CLTC: variants seen among roughly 807,000 people sequenced by gnomAD.
CLTC encodes the protein clathrin heavy chain 1.
CLTC carries 16 observed loss-of-function variants against 195.8 expected under a neutral mutation model. The observed-to-expected ratio is 0.08, with a 90% CI of 0.06 to 0.12. CLTC has a LOEUF of 0.12. Among genes scored for constraint, CLTC ranks in the 10% least tolerant of loss-of-function variants. The pLI, the probability that CLTC is intolerant of heterozygous loss-of-function variation, is 1.00. For missense variants in CLTC, 796 were observed against 2,027.0 expected (o/e 0.39, Z 11.66); for synonymous variants, 667 against 689.4 (o/e 0.97, Z 0.51).
intron 16 of CLTC, 32 bp downstream of exon 16, chr17:59,674,875 T>G: frequency 6.3e-7 from 1 of 1,597,124 alleles, no homozygotes; most frequent in Non-Finnish European, 8.5e-7. Flanking sequence ...GATAAGTTAC[T>G]CTTTCTTAAC....
chr17:59,655,111 C>T (rs1467218678), intron 5 of CLTC, among the ~76,000 whole-genome samples: 1 of 152,244 alleles, frequency 6.6e-6, no homozygotes, highest in Non-Finnish European at 1.5e-5. Flanking sequence ...GCCCACCATT[C>T]AGCCTATCTT....
chr17:59,685,864 A>G lies in CLTC; in HGVS notation c.4827+56A>G, dbSNP rs1490814297. On this transcript the variant is annotated intron_variant, in intron 30 of 31. Transcript: ENST00000269122. The surrounding 1 kb of genome is among the most constrained non-coding windows in gnomAD (Gnocchi z 5.0). Reference sequence around the variant, plus strand: ...AGTTTCCTTGCATGTAAAATTCTACATGCACATTAATTTTTTTAAATGCTT... The same window carrying G: ...AGTTTCCTTGCATGTAAAATTCTACGTGCACATTAATTTTTTTAAATGCTT... 54 of 1,269,542 alleles carry G rather than the reference A, an allele frequency of 4.3e-5. No homozygotes were observed. Among genetic ancestry groups the G allele is most frequent in the Non-Finnish European group, 4.3e-5 (39 of 914,208 alleles). 78.6% of individuals were successfully genotyped at this position (1,269,542 alleles called of 1,614,324 possible). A position where few individuals can be genotyped will look rare whatever the true frequency, so the allele number is the denominator to read the frequency against.
At chr17:59,676,456 A>T (rs568758599) in intron 16 of CLTC, among the ~76,000 whole-genome samples, 1 of 152,182 alleles carries the variant, frequency 6.6e-6, no homozygotes, top group Non-Finnish European at 1.5e-5. Context: ...TCCACAAACA[A>T]AATTTTCTGA....
chr17:59,663,802 G>C (rs763646372), intron 8 of CLTC, 40 bp from the exon 9 acceptor site: 4 of 1,588,776 alleles, frequency 2.5e-6, no homozygotes, highest in Admixed American at 3.6e-5. Flanking sequence ...TTCTAAAACA[G>C]TTCATGGATC....
chr17:59,690,622 G>A lies in CLTC; in HGVS notation c.4828-14G>A. 3.1e-6 allele frequency: 5 copies of A among 1,597,504 alleles called. No homozygotes were observed. The highest frequency in any genetic ancestry group is 4.3e-6 in the Non-Finnish European group (5 of 1,167,858). On this transcript the variant is annotated splice_polypyrimidine_tract_variant and intron_variant, in intron 30 of 31. Coordinates refer to ENST00000269122, the MANE Select transcript of CLTC (RefSeq NM_004859.4). Reference sequence around the variant, plus strand: ...CTTTTGGGGTGCTAATTAACATGATGTGTTTTTCTCCAGGTGGATAAATTA... The same window carrying A: ...CTTTTGGGGTGCTAATTAACATGATATGTTTTTCTCCAGGTGGATAAATTA...
intron 14 of CLTC, among the ~76,000 whole-genome samples, chr17:59,672,826 G>GTAGA (rs2032882750): frequency 6.6e-6 from 1 of 152,062 alleles, no homozygotes; most frequent in Non-Finnish European, 1.5e-5. Flanking sequence ...ACTTAGTTCT[G>GTAGA]CTTCCCTAGT....
intron 1 of CLTC, among the ~76,000 whole-genome samples, chr17:59,631,376 A>G (rs1403082056): frequency 6.6e-6 from 1 of 152,216 alleles, no homozygotes; most frequent in African/African-American, 2.4e-5. Flanking sequence ...GGCACACAGT[A>G]GCTGCTCAGG....
intron 1 of CLTC, among the ~76,000 whole-genome samples, chr17:59,630,662 A>G (rs1352611480): frequency 1.3e-5 from 2 of 152,232 alleles, no homozygotes; most frequent in Non-Finnish European, 2.9e-5. Context: ...CATAAATGGA[A>G]TTATACAATA....
Position 59,685,528 on chromosome 17 carries a change from G to T in CLTC, c.4606-59G>T. On this transcript the variant is annotated intron_variant, in intron 29 of 31. Coordinates refer to ENST00000269122, the MANE Select transcript of CLTC (RefSeq NM_004859.4). This position sits in a 1 kb window ranked among gnomAD's most constrained non-coding sequence, Gnocchi z 5.0. The stretch of plus-strand genomic sequence containing the variant: ...TGGAAAGTTTCCATTGTTTTTCTTG[G>T]TTTACTAGTTCAGTATGTGGGGTCT... The T allele has an allele frequency of 1.4e-6, 2 of 1,387,120 alleles. No homozygotes were observed. Among genetic ancestry groups the T allele is most frequent in the South Asian group, 1.3e-5 (1 of 78,082 alleles). The allele number at this position is 1,387,120 out of a possible 1,614,324, so 85.9% of individuals were successfully genotyped here.
intron 30 of CLTC, among the ~76,000 whole-genome samples, chr17:59,686,117 A>C (rs1324902740): frequency 6.6e-6 from 1 of 152,076 alleles, no homozygotes; most frequent in Non-Finnish European, 1.5e-5. Flanking sequence ...AGTTCTTGTG[A>C]CTCAAATATT....
rs1214933728 is a variant in CLTC, at chr17:59,681,767, G to A, written c.3370G>A (p.Ala1124Thr). The change falls in exon 21 of 32, where the codon GCC (alanine) becomes ACC (threonine). Residue 1124 changes from alanine (A) to threonine (T), a missense_variant. Coordinates refer to ENST00000269122, the MANE Select transcript of CLTC (RefSeq NM_004859.4). The surrounding 1 kb of genome is among the most constrained non-coding windows in gnomAD (Gnocchi z 5.0). ...AQLQKGMVKE[A>T]IDSYIKADDP... The stretch of plus-strand genomic sequence containing the variant: ...GTTGCAGAAAGGAATGGTGAAAGAA[G>A]CCATTGATTCTTATATCAAAGCAGA... 1 of 1,614,044 alleles carries A rather than the reference G, an allele frequency of 6.2e-7. No individual in the cohort carries two copies. The highest frequency in any genetic ancestry group is 1.1e-5 in the South Asian group (1 of 91,070).
intron 1 of CLTC, among the ~76,000 whole-genome samples, chr17:59,627,848 A>C (rs886317876): frequency 1.3e-5 from 2 of 152,208 alleles, no homozygotes; most frequent in Non-Finnish European, 1.5e-5. Context: ...TTCCAGTCTG[A>C]AGCCACTTGT....
intron 5 of CLTC, among the ~76,000 whole-genome samples, chr17:59,652,989 A>G (rs1018135858): frequency 2.6e-5 from 4 of 152,110 alleles, no homozygotes; most frequent in Non-Finnish European, 5.9e-5. Context: ...CTTTTATGTT[A>G]TAGAGATGGT....
intron 31 of CLTC, 76 bp downstream of exon 31, chr17:59,690,787 A>T (rs2033278613): frequency 8.8e-7 from 1 of 1,135,434 alleles, no homozygotes; most frequent in Non-Finnish European, 1.3e-6. Context: ...TCAAAATAGA[A>T]TACAACAAGC....
chr17:59,689,301 C>T (rs916127110), intron 30 of CLTC: 1 of 152,218 alleles, frequency 6.6e-6, no homozygotes, highest in East Asian at 1.9e-4. Flanking sequence ...AAACAGTGCC[C>T]TAACCTTAAT....
At chr17:59,669,773 AT>A (rs1171068219) in intron 14 of CLTC, among the ~76,000 whole-genome samples, 3 of 152,126 alleles carry the variant, frequency 2.0e-5, no homozygotes, top group African/African-American at 7.2e-5. Flanking sequence ...GTTCTGAAGT[AT>A]TTTTTGTCTT....
intron 9 of CLTC, 31 bp from the exon 10 acceptor site, chr17:59,664,756 G>A (rs750271399): frequency 6.2e-7 from 1 of 1,600,170 alleles, no homozygotes; most frequent in Non-Finnish European, 8.5e-7. Context: ...TGAAACTTAG[G>A]AGCAGCGTTT....
At chr17:59,639,607 T>TA (rs1053084108) in intron 1 of CLTC, among the ~76,000 whole-genome samples, 2 of 152,124 alleles carry the variant, frequency 1.3e-5, no homozygotes, top group African/African-American at 4.8e-5. Flanking sequence ...CCTCTGAAAA[T>TA]ACCTGCAAGT....
intron 14 of CLTC, among the ~76,000 whole-genome samples, chr17:59,670,090 T>C (rs1254252348): frequency 6.6e-6 from 1 of 152,232 alleles, no homozygotes; most frequent in Admixed American, 6.5e-5. Flanking sequence ...AGCTGTGCTA[T>C]GTTTGGACCA....
Sources: gnomAD v4.1 joint callset for allele counts (sites outside exome capture counted in the v4.1 genomes callset) on GRCh38, gnomAD v4.1.1 for gene constraint, Gnocchi (gnomAD v3.1) non-coding constraint, MANE v1.5 for transcripts, NCBI Gene and HGNC (gene_info 2026-07-23, HGNC 2026-07-21) for gene names.